BAD: variants seen among roughly 807,000 people sequenced by gnomAD.
BAD encodes the protein BCL2 associated agonist of cell death.
A neutral mutation model predicts 17.8 loss-of-function variants in BAD; 18 were observed. The ratio of observed to expected loss-of-function variants is 1.01; its 90% CI spans 0.70 to 1.50. BAD has a LOEUF of 1.50. Among genes scored for constraint, BAD ranks in the 40% most tolerant of loss-of-function variants. BAD has a pLI of 0.00. For missense variants in BAD, 294 were observed against 239.3 expected, an observed-to-expected ratio of 1.23 and a Z score of -1.51; for synonymous variants, 112 against 91.5, an observed-to-expected ratio of 1.22 and a Z score of -1.28.
At chr11:64,271,487 A>C (rs1035845915) in intron 3 of BAD, 126 bp downstream of exon 3, 1 of 994,850 alleles carries the variant, frequency 1.0e-6, no homozygotes, top group Non-Finnish European at 1.3e-6. Context: ...CTAGGAAGGA[A>C]CAGGACGGCT....
intron 3 of BAD, 50 bp from the exon 4 acceptor site, chr11:64,270,387 G>C (rs1200554744): frequency 6.6e-7 from 1 of 1,504,676 alleles, no homozygotes; most frequent in Non-Finnish European, 8.9e-7. Context: ...ATGGCAGCTC[G>C]AGCCAGGCTC....
chr11:64,270,319 T>G lies in BAD; in HGVS notation c.397A>C (p.Lys133Gln), dbSNP rs200800653. 97 of 1,564,880 alleles carry G rather than the reference T, an allele frequency of 6.2e-5. No individual in the cohort carries two copies. The highest frequency in any genetic ancestry group is 7.3e-5 in the Admixed American group (4 of 54,750). ...DSFKKGLPRP[K>Q]SAGTATQMRQ... is the part of the protein sequence containing the mutation. The stretch of plus-strand genomic sequence containing the variant: ...ATCTGCGTTGCTGTGCCCGCGCTCT[T>G]CGGGCGAGGAAGTCCCTTCTGGTGG... The change falls in exon 4 of 4, where the codon AAG becomes CAG. Residue 133 changes from lysine (K) to glutamine (Q), a missense_variant. Transcript: ENST00000309032.
chr11:64,272,991 T>A (rs2032751899), intron 2 of BAD: 1 of 152,072 alleles, frequency 6.6e-6, no homozygotes, highest in South Asian at 2.1e-4. Flanking sequence ...TTTGGGAGGC[T>A]GAGGCAGGTG....
At chr11:64,273,845 G>C in intron 2 of BAD, among the ~76,000 whole-genome samples, 1 of 102,330 alleles carries the variant, frequency 9.8e-6, no homozygotes, top group Admixed American at 1.6e-4. Context: ...TCACGCCACT[G>C]CACCCATCTC....
At chr11:64,271,398 C>G (rs1265136028) in intron 3 of BAD, among the ~76,000 whole-genome samples, 1 of 150,902 alleles carries the variant, frequency 6.6e-6, no homozygotes, top group African/African-American at 2.4e-5. Context: ...CACACACACA[C>G]ACACACACCA....
chr11:64,278,823 C>T (rs553060068), intron 2 of BAD, among the ~76,000 whole-genome samples: 41 of 152,306 alleles, frequency 2.7e-4, no homozygotes, highest in African/African-American at 9.6e-4. Flanking sequence ...GAGGAGTGAC[C>T]GAACCAAGTG....
In BAD at chr11:64,269,884, C is replaced by T. The variant is rs2032374967; in HGVS notation, c.*325G>A. ...TTGGTAGTGAGCACGGCCCCCAGGG[C>T]ATCGCGGGGGCTCGGGTCCCGGTGA... On this transcript the variant is annotated 3_prime_UTR_variant, in exon 4 of 4. Transcript: ENST00000309032. 5.7e-6 allele frequency: 4 copies of T among 698,882 alleles called. No individual in the cohort carries two copies. Among genetic ancestry groups the T allele is most frequent in the East Asian group, 2.7e-5 (1 of 37,318 alleles). The allele number at this position is 698,882 out of a possible 1,614,324, so 43.3% of individuals were successfully genotyped here. A position where few individuals can be genotyped will look rare whatever the true frequency, so the allele number is the denominator to read the frequency against.
chr11:64,279,400 A>T (rs7952435), intron 2 of BAD, among the ~76,000 whole-genome samples: 14,101 of 151,934 alleles, frequency 0.093, 1,853 homozygotes, highest in African/African-American at 0.29. Context: ...GACAAGCACA[A>T]CTCTGGTTCA....
intron 2 of BAD, chr11:64,277,034 G>A (rs1449877693): frequency 8.4e-6 from 6 of 715,042 alleles, no homozygotes; most frequent in Admixed American, 6.0e-5. Flanking sequence ...AGGAGAATAC[G>A]AAGTTCTCCC....
At chr11:64,280,420 C>T (rs1209100015) in intron 2 of BAD, among the ~76,000 whole-genome samples, 3 of 145,702 alleles carry the variant, frequency 2.1e-5, no homozygotes, top group Admixed American at 6.8e-5. Flanking sequence ...GGCACCATCT[C>T]GGCTCACTGC....
At position 64,282,160 on chromosome 11, in the gene BAD, C is replaced by T. The variant is rs571229738; in HGVS notation, c.187+2022G>A. On this transcript the variant is annotated intron_variant, in intron 2 of 3. Coordinates refer to ENST00000309032, the MANE Select transcript of BAD (RefSeq NM_032989.3). ...CAAGGATTCCTGACGCTTGGGTTCACCGAGGCCCCCTAGCAACTGGAACAG... is the reference window on the plus strand; with the variant it reads ...CAAGGATTCCTGACGCTTGGGTTCATCGAGGCCCCCTAGCAACTGGAACAG... Among the ~76,000 whole-genome samples the T allele has an allele frequency of 7.2e-5, 11 of 152,340 alleles. No homozygotes were observed. In the East Asian group the frequency reaches 2.1e-3, roughly 29 times the overall value.
chr11:64,280,407 A>G (rs2033382723), intron 2 of BAD, among the ~76,000 whole-genome samples: 1 of 145,860 alleles, frequency 6.9e-6, no homozygotes, highest in Admixed American at 6.9e-5. Flanking sequence ...GCTGGAGTGC[A>G]GTGGCACCAT....
chr11:64,270,080 G>T lies in BAD; in HGVS notation c.*129C>A. 1 of 1,467,170 alleles carries T rather than the reference G, an allele frequency of 6.8e-7. No homozygotes were observed. The highest frequency in any genetic ancestry group is 9.3e-7 in the Non-Finnish European group (1 of 1,073,068). The allele number at this position is 1,467,170 out of a possible 1,614,324, so 90.9% of individuals were successfully genotyped here. A position where few individuals can be genotyped will look rare whatever the true frequency, so the allele number is the denominator to read the frequency against. On this transcript the variant is annotated 3_prime_UTR_variant, in exon 4 of 4. Transcript: ENST00000309032. Reference sequence around the variant, plus strand: ...ACGCACCGGAAGGGAATCTGGGTCAGCCCTCCCTCCAAAGGAGACAGCACG... The same window carrying T: ...ACGCACCGGAAGGGAATCTGGGTCATCCCTCCCTCCAAAGGAGACAGCACG...
rs961938960 is a variant in BAD at position 64,269,970 on chromosome 11, G to A, written c.*239C>T. ...GCGCCTGGGGGAAAGCCCGGAGCCT[G>A]AGGGCGGGGCCACGGAGCCACTTCC... On this transcript the variant is annotated 3_prime_UTR_variant, in exon 4 of 4. Coordinates refer to ENST00000309032, the MANE Select transcript of BAD (RefSeq NM_032989.3). 1.3e-6 allele frequency: 1 copy of A among 775,196 alleles called. No homozygotes were observed. Among genetic ancestry groups the A allele is most frequent in the Non-Finnish European group, 2.2e-6 (1 of 459,676 alleles). The allele number at this position is 775,196 out of a possible 1,614,324, so 48.0% of individuals were successfully genotyped here. A position where few individuals can be genotyped will look rare whatever the true frequency, so the allele number is the denominator to read the frequency against.
chr11:64,271,878 C>G lies in BAD; in HGVS notation c.188-75G>C, dbSNP rs577522337. ...AGCCCCTGGCCCTGCCTGAACCCTCCCCATCAGCTCTGCAGGCCCACTCGT... is the reference window on the plus strand; with the variant it reads ...AGCCCCTGGCCCTGCCTGAACCCTCGCCATCAGCTCTGCAGGCCCACTCGT... On this transcript the variant is annotated intron_variant, in intron 2 of 3. Transcript: ENST00000309032. The G allele has an allele frequency of 2.7e-4, 335 of 1,221,672 alleles. 1 individual carries two copies. The highest frequency in any genetic ancestry group is 3.3e-4 in the Non-Finnish European group (319 of 959,146). 75.7% of individuals were successfully genotyped at this position (1,221,672 alleles called of 1,614,324 possible).
intron 2 of BAD, 84 bp downstream of exon 2, chr11:64,284,098 G>A (rs2033669115): frequency 4.1e-6 from 6 of 1,464,878 alleles, no homozygotes; most frequent in Admixed American, 4.5e-5. Context: ...AAAGCATTCA[G>A]TGCCTGTGGA....
chr11:64,283,872 C>T (rs973982511), intron 2 of BAD, among the ~76,000 whole-genome samples: 1 of 152,134 alleles, frequency 6.6e-6, no homozygotes, highest in East Asian at 1.9e-4. Flanking sequence ...TGGGCTCAAG[C>T]GATCCTCCTG....
At position 64,270,335 on chromosome 11, in the gene BAD, C is replaced by T. The variant is rs1366553609; in HGVS notation, c.381G>A (p.Lys127=). 5 of 1,550,686 alleles carry T rather than the reference C, an allele frequency of 3.2e-6. No individual in the cohort carries two copies. The Admixed American group carries it at 9.6e-5, about 30-fold the overall frequency. Residue 127 remains lysine, a splice_region_variant and synonymous_variant, in exon 4 of 4, where the codon AAG becomes AAA. Transcript: ENST00000309032. The part of the protein sequence containing the change: ...MSDEFVDSFK[K]GLPRPKSAGT... ...CCGCGCTCTTCGGGCGAGGAAGTCC[C>T]TTCTGGTGGAGGGAGAAAAGGGTTA...
At chr11:64,284,477 C>G (rs1238074972) in intron 1 of BAD, 101 bp from the exon 2 acceptor site, 10 of 1,591,188 alleles carry the variant, frequency 6.3e-6, no homozygotes, top group Non-Finnish European at 8.5e-6. Flanking sequence ...CACCGTAGCG[C>G]CCCCAGGCCC....
Sources: allele counts gnomAD v4.1 joint callset (sites outside exome capture counted in the v4.1 genomes callset), GRCh38; gene constraint gnomAD v4.1.1; transcripts MANE v1.5; gene names NCBI Gene and HGNC (gene_info 2026-07-23, HGNC 2026-07-21).